SYT10: variants seen among roughly 807,000 people sequenced by gnomAD.
SYT10 encodes the protein synaptotagmin-10.
SYT10 carries 31 observed loss-of-function variants against 51.1 expected under a neutral mutation model. That is an observed-to-expected ratio of 0.61 (90% CI 0.46 to 0.82). SYT10 has a LOEUF of 0.82. Among genes scored for constraint, SYT10 ranks in the 40% least tolerant of loss-of-function variants. SYT10 has a pLI of 0.00. For missense variants in SYT10, 603 were observed against 634.0 expected (o/e 0.95, Z 0.53); for synonymous variants, 233 against 225.9 (o/e 1.03, Z -0.28).
intron 3 of SYT10, among the ~76,000 whole-genome samples, chr12:33,401,608 A>C (rs1035566656): frequency 1.8e-4 from 27 of 152,304 alleles, no homozygotes; most frequent in African/African-American, 6.5e-4. Context: ...ATAAATTTAA[A>C]ATGTTCCTGC....
chr12:33,399,723 T>C (rs1314522426), intron 3 of SYT10, among the ~76,000 whole-genome samples: 2 of 152,194 alleles, frequency 1.3e-5, no homozygotes. Flanking sequence ...CATGGTCTTA[T>C]GATAGTATAT....
chr12:33,396,744 C>T (rs749898021), intron 3 of SYT10, among the ~76,000 whole-genome samples: 16 of 149,828 alleles, frequency 1.1e-4, no homozygotes, highest in African/African-American at 2.7e-4. Flanking sequence ...AGTGCAGTGG[C>T]GCGATCTTGG....
chr12:33,433,209 A>G lies in SYT10; in HGVS notation c.151+6163T>C, dbSNP rs565003662. ...CCAGTTAGACAAAAGACCTATAATA[A>G]TAACACTCCTTATCTGAAGGTTCAG... On this transcript the variant is annotated intron_variant, in intron 1 of 6. Coordinates refer to ENST00000228567, the MANE Select transcript of SYT10 (RefSeq NM_198992.4). Among the ~76,000 whole-genome samples the G allele has an allele frequency of 2.6e-5, 4 of 152,290 alleles. 1 individual carries two copies. The highest frequency in any genetic ancestry group is 9.6e-5 in the African/African-American group (4 of 41,574).
At position 33,389,893 on chromosome 12, in the gene SYT10, A is replaced by G. The variant is rs1460246910; in HGVS notation, c.1078-4602T>C. On this transcript the variant is annotated intron_variant, in intron 3 of 6. Coordinates refer to ENST00000228567, the MANE Select transcript of SYT10 (RefSeq NM_198992.4). The stretch of plus-strand genomic sequence containing the variant: ...CCCAGAGTGGGTCTATTGGACTCAA[A>G]CCACTGTAAAATGTATTTCTCCCTG... 2.0e-5 allele frequency among the ~76,000 whole-genome samples: 3 copies of G among 152,178 alleles called. No individual in the cohort carries two copies. The East Asian group carries it at 5.8e-4, about 29-fold the overall frequency.
chr12:33,439,367 G>C lies in SYT10; in HGVS notation c.151+5C>G, dbSNP rs374862623. On this transcript the variant is annotated splice_donor_5th_base_variant and intron_variant, in intron 1 of 6. Transcript: ENST00000228567. Reference sequence around the variant, plus strand: ...CGAGGACGCGAGCGGAGCCCTCCCGGTTACCTGTGCTGCTTCCGCCCTGGC... The same window carrying C: ...CGAGGACGCGAGCGGAGCCCTCCCGCTTACCTGTGCTGCTTCCGCCCTGGC... 39 of 1,611,482 alleles carry C rather than the reference G, an allele frequency of 2.4e-5. No individual in the cohort carries two copies. In the African/African-American group the frequency reaches 4.5e-4, roughly 19 times the overall value.
At chr12:33,430,660 G>A (rs1420957138) in intron 1 of SYT10, among the ~76,000 whole-genome samples, 1 of 152,122 alleles carries the variant, frequency 6.6e-6, no homozygotes, top group African/African-American at 2.4e-5. Context: ...GTACAAAAAT[G>A]TGATTTCCAA....
In SYT10 at chr12:33,439,685, G is replaced by GC; in HGVS notation, c.-164dup. ...GGCAACTCTTAGGAGCCCCACGTTG[G>GC]CCCCATGGCGGGAGCGGAGGGCGTA... is the stretch of plus-strand genomic sequence containing the variant. On this transcript the variant is annotated 5_prime_UTR_variant, in exon 1 of 7. It removes the in-frame stop codon of an upstream open reading frame in the 5' UTR. Coordinates refer to ENST00000228567, the MANE Select transcript of SYT10 (RefSeq NM_198992.4). The GC allele has an allele frequency of 1.2e-6, 1 of 837,122 alleles. No homozygotes were observed. The highest frequency in any genetic ancestry group is 2.9e-4 in the Middle Eastern group (1 of 3,444). 51.9% of individuals were successfully genotyped at this position (837,122 alleles called of 1,614,324 possible).
At chr12:33,431,364 C>T (rs990545124) in intron 1 of SYT10, among the ~76,000 whole-genome samples, 10 of 151,992 alleles carry the variant, frequency 6.6e-5, no homozygotes, top group South Asian at 2.1e-4. Flanking sequence ...GAAGTAGAAG[C>T]GGGAGATGAA....
intron 2 of SYT10, among the ~76,000 whole-genome samples, chr12:33,416,061 TTACCA>T (rs1866450494): frequency 7.5e-6 from 1 of 132,694 alleles, no homozygotes; most frequent in Non-Finnish European, 1.7e-5. Context: ...TTGACCCCCA[TTACCA>T]CTTCACACCA....
chr12:33,385,076 T>C (rs1591981744), intron 4 of SYT10, 95 bp downstream of exon 4: 1 of 1,462,386 alleles, frequency 6.8e-7, no homozygotes, highest in Non-Finnish European at 9.2e-7. Context: ...ACTCCCATTA[T>C]AGGCAAATAA....
intron 2 of SYT10, among the ~76,000 whole-genome samples, chr12:33,410,772 T>C (rs1328278787): frequency 2.6e-5 from 4 of 151,654 alleles, no homozygotes; most frequent in Non-Finnish European, 5.9e-5. Context: ...TGCCAAGAAT[T>C]AGAATATGAA....
intron 2 of SYT10, among the ~76,000 whole-genome samples, 194 bp downstream of exon 2, chr12:33,425,944 G>A (rs1282577879): frequency 1.3e-5 from 2 of 151,544 alleles, no homozygotes; most frequent in Non-Finnish European, 2.9e-5. Context: ...CTCTCTCTCT[G>A]CCCCTATGTA....
In SYT10 at chr12:33,426,182, A is replaced by G; in HGVS notation, c.465T>C (p.His155=). The change falls in exon 2 of 7, where the codon CAT becomes CAC. Residue 155 remains histidine (H), a synonymous_variant. Coordinates refer to ENST00000228567, the MANE Select transcript of SYT10 (RefSeq NM_198992.4). The part of the protein sequence containing the change: ...QTALKEHLIK[H]ARVQRQITEP... ...CAGTAATTTGTCTTTGCACACGTGC[A>G]TGTTTAATTAAATGTTCTTTTAAAG... The G allele has an allele frequency of 6.2e-7, 1 of 1,611,644 alleles. No homozygotes were observed. Among genetic ancestry groups the G allele is most frequent in the Non-Finnish European group, 8.5e-7 (1 of 1,179,478 alleles).
rs1174926637 is a variant in SYT10 at position 33,407,220 on chromosome 12, G to C, written c.646C>G (p.Gln216Glu). The C allele has an allele frequency of 1.2e-6, 2 of 1,614,006 alleles. No homozygotes were observed. The highest frequency in any genetic ancestry group is 1.7e-6 in the Non-Finnish European group (2 of 1,180,048). Reference protein sequence around the residue: ...IGRIKPELYKQKSVDSEGNQN... With the variant: ...IGRIKPELYKEKSVDSEGNQN... ...TTGCCCTCAGAGTCAACTGATTTCTGTTTGTAGAGTTCTGGCTTTATCCTC... is the reference window on the plus strand; with the variant it reads ...TTGCCCTCAGAGTCAACTGATTTCTCTTTGTAGAGTTCTGGCTTTATCCTC... The change falls in exon 3 of 7, where the codon CAG becomes GAG. Residue 216 changes from glutamine to glutamate, a missense_variant. By Grantham distance (29) the Gln-to-Glu change is conservative. Transcript: ENST00000228567.
At chr12:33,400,193 A>G (rs1467562611) in intron 3 of SYT10, among the ~76,000 whole-genome samples, 1 of 152,254 alleles carries the variant, frequency 6.6e-6, no homozygotes, top group East Asian at 1.9e-4. Context: ...ACTTTAGAAG[A>G]TAATTCATTG....
In SYT10 at chr12:33,439,407, G is replaced by C. The variant is rs757351182; in HGVS notation, c.116C>G (p.Pro39Arg). 1 of 1,614,136 alleles carries C rather than the reference G, an allele frequency of 6.2e-7. No individual in the cohort carries two copies. Among genetic ancestry groups the C allele is most frequent in the Non-Finnish European group, 8.5e-7 (1 of 1,180,022 alleles). ...TCCGCCCTGGCTGCCCCTGTCCCGA[G>C]GGAAGATGCCCGAGCACTTCTCCCA... is the stretch of plus-strand genomic sequence containing the variant. ...VEWEKCSGIF[P>R]RDRGSQGGSS... is the part of the protein sequence containing the mutation. Residue 39 changes from proline to arginine, a missense_variant, in exon 1 of 7, where the codon CCT becomes CGT. Pro to Arg is a moderately radical substitution (Grantham distance 103). Transcript: ENST00000228567.
rs1866664863 is a variant in SYT10, at chr12:33,439,355, G to C, written c.151+17C>G. On this transcript the variant is annotated intron_variant, in intron 1 of 6. Transcript: ENST00000228567. ...CCCAGCGGAGCGCGAGGACGCGAGCGGAGCCCTCCCGGTTACCTGTGCTGC... is the reference window on the plus strand; with the variant it reads ...CCCAGCGGAGCGCGAGGACGCGAGCCGAGCCCTCCCGGTTACCTGTGCTGC... 1.2e-6 allele frequency: 2 copies of C among 1,606,368 alleles called. No individual in the cohort carries two copies. The highest frequency in any genetic ancestry group is 1.7e-6 in the Non-Finnish European group (2 of 1,176,592).
chr12:33,382,301 G>A (rs374808471), intron 5 of SYT10, 48 bp downstream of exon 5: 38 of 1,431,286 alleles, frequency 2.7e-5, no homozygotes, highest in African/African-American at 1.6e-4. Flanking sequence ...TTTGGCCTGC[G>A]CATGACTAGA....
intron 2 of SYT10, among the ~76,000 whole-genome samples, chr12:33,420,023 A>G (rs1315274716): frequency 1.3e-5 from 2 of 152,130 alleles, no homozygotes; most frequent in Non-Finnish European, 2.9e-5. Flanking sequence ...ACTTTGTAAT[A>G]TGTTTCTGAC....
Sources: gnomAD v4.1 joint callset for allele counts (sites outside exome capture counted in the v4.1 genomes callset) on GRCh38, gnomAD v4.1.1 for gene constraint, MANE v1.5 for transcripts, NCBI Gene and HGNC (gene_info 2026-07-23, HGNC 2026-07-21) for gene names.